The following COPB1 variants were observed in gnomAD, a reference collection of about 807,000 sequenced individuals.
The protein encoded by COPB1 is coat protein complex I subunit beta 1.
A neutral mutation model predicts 108.7 loss-of-function variants in COPB1; 21 were observed. The observed-to-expected ratio is 0.19, with a 90% CI of 0.14 to 0.28. The LOEUF is 0.28. Ranked by LOEUF, COPB1 falls within the 10% of genes least tolerant of loss-of-function variation. COPB1 has a pLI of 1.00. For missense variants in COPB1, 919 were observed against 1,141.3 expected (o/e 0.81, Z 2.81); for synonymous variants, 378 against 386.8 (o/e 0.98, Z 0.27).
At position 14,460,223 on chromosome 11, in the gene COPB1, G is replaced by A. The variant is rs1221384619; in HGVS notation, c.2631C>T (p.Cys877=). 6.2e-7 allele frequency: 1 copy of A among 1,607,068 alleles called. No homozygotes were observed. The highest frequency in any genetic ancestry group is 8.5e-7 in the Non-Finnish European group (1 of 1,174,478). Residue 877 remains cysteine (C), a synonymous_variant, in exon 20 of 22, where the codon TGC becomes TGT. Transcript: ENST00000439561. ...QHILKSTNMK[C]LTPEKALSGY... ...CAAATTTTACCTTTTCTGGAGTCAG[G>A]CATTTCATATTGGTTGACTTTAATA...
chr11:14,465,129 T>C, intron 17 of COPB1, 99 bp from the exon 18 acceptor site: 2 of 1,392,614 alleles, frequency 1.4e-6, no homozygotes, highest in Non-Finnish European at 9.5e-7. Flanking sequence ...AAACCTTAAA[T>C]GTATGCAGCT....
chr11:14,487,158 C>T (rs1020957921), intron 6 of COPB1, among the ~76,000 whole-genome samples: 2 of 152,166 alleles, frequency 1.3e-5, no homozygotes, highest in African/African-American at 4.8e-5. Flanking sequence ...TAAATGTATC[C>T]TGATACCTTT....
intron 17 of COPB1, among the ~76,000 whole-genome samples, 182 bp downstream of exon 17, chr11:14,466,100 T>C (rs919989092): frequency 3.3e-5 from 5 of 152,214 alleles, no homozygotes; most frequent in African/African-American, 9.7e-5. Flanking sequence ...AAATTCAGTA[T>C]GACAGAGGTT....
At chr11:14,486,619 A>G in intron 6 of COPB1, 115 bp from the exon 7 acceptor site, 1 of 1,285,408 alleles carries the variant, frequency 7.8e-7, no homozygotes, top group Non-Finnish European at 1.1e-6. Context: ...GAAAGCTAAG[A>G]ACAGTCTTAT....
At chr11:14,475,031 T>C (rs983412360) in intron 13 of COPB1, among the ~76,000 whole-genome samples, 11 of 139,134 alleles carry the variant, frequency 7.9e-5, no homozygotes, top group African/African-American at 2.4e-4. Context: ...AGGAGACAGG[T>C]TGCAGTGAGC....
Position 14,469,329 on chromosome 11 carries a change from A to G in COPB1, c.1965+7T>C, listed in dbSNP as rs1262513007. The G allele has an allele frequency of 6.2e-7, 1 of 1,610,168 alleles. No individual in the cohort carries two copies. Among genetic ancestry groups the G allele is most frequent in the South Asian group, 1.1e-5 (1 of 90,926 alleles). On this transcript the variant is annotated splice_region_variant and intron_variant, in intron 15 of 21. Transcript: ENST00000439561. ...ACACTTTTGTTGCCTCATCATATAT[A>G]CCTTACCTTTTGGGATAATTTCTCT...
At chr11:14,476,095 G>A in intron 12 of COPB1, 150 bp from the exon 13 acceptor site, 2 of 649,166 alleles carry the variant, frequency 3.1e-6, no homozygotes, top group Non-Finnish European at 5.0e-6. Flanking sequence ...TCCTTCCCAG[G>A]ATAATGTAGT....
At chr11:14,489,176 C>T (rs908518788) in intron 5 of COPB1, among the ~76,000 whole-genome samples, 2 of 152,184 alleles carry the variant, frequency 1.3e-5, no homozygotes, top group Non-Finnish European at 2.9e-5. Flanking sequence ...ATATTGAATA[C>T]CACTTCACGT....
intron 20 of COPB1, 199 bp downstream of exon 20, chr11:14,460,009 T>A: frequency 2.2e-6 from 1 of 450,490 alleles, no homozygotes; most frequent in Non-Finnish European, 3.9e-6. Context: ...GTTGGGTCAC[T>A]GCACTAGGAA....
chr11:14,493,365 G>A (rs1306950496), intron 4 of COPB1, among the ~76,000 whole-genome samples: 1 of 152,162 alleles, frequency 6.6e-6, no homozygotes, highest in East Asian at 1.9e-4. Flanking sequence ...GAGTAATACG[G>A]TTGAGAATGA....
At chr11:14,482,990 A>T in intron 8 of COPB1, 42 bp downstream of exon 8, 1 of 1,489,210 alleles carries the variant, frequency 6.7e-7, no homozygotes, top group Non-Finnish European at 9.0e-7. Flanking sequence ...TAAATTTGAA[A>T]AACATTTTAT....
Position 14,476,096 on chromosome 11 carries a change from A to T in COPB1, c.1456-151T>A. The T allele has an allele frequency of 4.7e-6, 3 of 644,944 alleles. No individual in the cohort carries two copies. In the South Asian group the frequency reaches 6.9e-5, roughly 15 times the overall value. 40.0% of individuals were successfully genotyped at this position (644,944 alleles called of 1,614,324 possible). On this transcript the variant is annotated intron_variant, in intron 12 of 21. Coordinates refer to ENST00000439561, the MANE Select transcript of COPB1 (RefSeq NM_001144061.2). ...GCTTTCAATTTATTTCCTTCCCAGG[A>T]TAATGTAGTAGGTAGAATAGGGGCT...
chr11:14,459,222 A>G (rs1343562964), intron 20 of COPB1, among the ~76,000 whole-genome samples: 1 of 147,058 alleles, frequency 6.8e-6, no homozygotes, highest in Non-Finnish European at 1.5e-5. Context: ...ATAGTTCTTA[A>G]TCCGATTTGT....
At chr11:14,459,734 A>G (rs1174251850) in intron 20 of COPB1, among the ~76,000 whole-genome samples, 1 of 152,082 alleles carries the variant, frequency 6.6e-6, no homozygotes, top group African/African-American at 2.4e-5. Flanking sequence ...CTCCTGCCTC[A>G]ACCTCCCAAG....
intron 4 of COPB1, 48 bp from the exon 5 acceptor site, chr11:14,490,727 CTATTT>C (rs1850879962): frequency 9.9e-7 from 1 of 1,005,646 alleles, no homozygotes; most frequent in Non-Finnish European, 1.5e-6. Flanking sequence ...GCCTACTTTA[CTATTT>C]TAGTAACTCT....
chr11:14,486,681 C>T (rs1850783733), intron 6 of COPB1, among the ~76,000 whole-genome samples, 177 bp from the exon 7 acceptor site: 1 of 152,042 alleles, frequency 6.6e-6, no homozygotes, highest in Admixed American at 6.6e-5. Flanking sequence ...GACACAACAT[C>T]AGTAATTTCA....
chr11:14,498,104 T>A (rs770763286), intron 2 of COPB1, among the ~76,000 whole-genome samples: 4 of 152,158 alleles, frequency 2.6e-5, no homozygotes, highest in Non-Finnish European at 4.4e-5. Flanking sequence ...GACCCGATAT[T>A]TGATAGCACA....
At position 14,480,853 on chromosome 11, in the gene COPB1, T is replaced by C. The variant is rs1850645713; in HGVS notation, c.1118A>G (p.His373Arg). ...EVIKTNNVSE[H>R]EDTDKYRQLL... ...TTGTCTGTATTTGTCAGTATCTTCA[T>C]GCTCAGACACATTATTTGTTTTTAT... The change falls in exon 10 of 22, where the codon CAT (histidine) becomes CGT (arginine). Residue 373 changes from histidine (H) to arginine (R), a missense_variant. His to Arg is a conservative substitution (Grantham distance 29). Around this residue, in one of 5 missense-constraint regions of COPB1, gnomAD observed 705 missense variants for 817.8 expected, o/e 0.86. Transcript: ENST00000439561. 1 of 1,613,910 alleles carries C rather than the reference T, an allele frequency of 6.2e-7. No individual in the cohort carries two copies. Among genetic ancestry groups the C allele is most frequent in the South Asian group, 1.1e-5 (1 of 91,084 alleles).
At chr11:14,477,389 C>CAAAAAAAAAAAACAAAA (rs769117329) in intron 11 of COPB1, among the ~76,000 whole-genome samples, 1 of 73,312 alleles carries the variant, frequency 1.4e-5, no homozygotes, top group Non-Finnish European at 2.5e-5. Context: ...GACTCCGTCT[C>CAAAAAAAAAAAACAAAA]AAAAAAAAAA....
Sources: gnomAD v4.1 joint callset for allele counts (sites outside exome capture counted in the v4.1 genomes callset) on GRCh38, gnomAD v4.1.1 for gene constraint, gnomAD v4.1.1 regional missense constraint, MANE v1.5 for transcripts, NCBI Gene and HGNC (gene_info 2026-07-23, HGNC 2026-07-21) for gene names.